RIT1: variants seen among roughly 807,000 people sequenced by gnomAD.
RIT1 encodes the protein Ras like without CAAX 1.
In RIT1, 6 loss-of-function variants were observed where a neutral mutation model predicts 25.6. The ratio of observed to expected loss-of-function variants is 0.23; its 90% CI spans 0.13 to 0.46. The LOEUF (loss-of-function observed/expected upper bound fraction) is 0.46. Ranked by LOEUF, RIT1 falls within the 20% of genes least tolerant of loss-of-function variation. RIT1 has a pLI of 0.99. For missense variants in RIT1, 219 were observed against 284.4 expected (o/e 0.77, Z 1.65); for synonymous variants, 81 against 94.1 (o/e 0.86, Z 0.80).
chr1:155,908,653 C>A (rs1457099856), intron 3 of RIT1, among the ~76,000 whole-genome samples: 1 of 150,614 alleles, frequency 6.6e-6, no homozygotes, highest in Admixed American at 6.6e-5. Context: ...ACCTCCGCCT[C>A]CCAGGTTCAA....
chr1:155,904,692 T>A, intron 4 of RIT1, 39 bp downstream of exon 4: 1 of 1,483,226 alleles, frequency 6.7e-7, no homozygotes, highest in Non-Finnish European at 9.4e-7. Context: ...TTTGCTAGAG[T>A]AAAAAAGCCT....
intron 3 of RIT1, among the ~76,000 whole-genome samples, chr1:155,905,905 A>G (rs897808549): frequency 6.6e-6 from 1 of 151,148 alleles, no homozygotes; most frequent in African/African-American, 2.4e-5. Context: ...TCGGCTCACC[A>G]CAACTTCTGC....
At chr1:155,908,864 G>C (rs1262306187) in intron 3 of RIT1, among the ~76,000 whole-genome samples, 1 of 151,832 alleles carries the variant, frequency 6.6e-6, no homozygotes, top group Non-Finnish European at 1.5e-5. Context: ...CGCCTGGCCT[G>C]AATCTCTGAA....
chr1:155,904,372 C>T lies in RIT1; in HGVS notation c.368G>A (p.Arg123His), dbSNP rs977405637. The T allele has an allele frequency of 2.4e-5, 38 of 1,614,006 alleles. No homozygotes were observed. Among genetic ancestry groups the T allele is most frequent in the Middle Eastern group, 3.3e-4 (2 of 6,062 alleles). Residue 123 changes from arginine to histidine, a missense_variant, in exon 5 of 6, where the codon CGT (arginine) becomes CAT (histidine). Physicochemically the swap from Arg to His is conservative, Grantham distance 29 (BLOSUM62 0). This residue lies in a region of RIT1 where 131 missense variants were observed against 173.6 expected (regional missense o/e 0.75). Transcript: ENST00000368323. ...EFKQLIYRVR[R>H]TDDTPVVLVG... ...AAGAACCACAGGTGTATCGTCAGTA[C>T]GTCGGACTCGATAAATAAGCTGTTT...
Position 155,900,348 on chromosome 1 carries a change from C to T in RIT1, c.*40G>A, listed in dbSNP as rs779433647. 3 of 1,449,124 alleles carry T rather than the reference C, an allele frequency of 2.1e-6. No homozygotes were observed. In the South Asian group the frequency reaches 3.5e-5, roughly 17 times the overall value. The allele number at this position is 1,449,124 out of a possible 1,614,324, so 89.8% of individuals were successfully genotyped here. Reference sequence around the variant, plus strand: ...TGCAGGTTACTGGACTGCTTTGATACAGCACTGCAGTTCACAGATAAACAC... The same window carrying T: ...TGCAGGTTACTGGACTGCTTTGATATAGCACTGCAGTTCACAGATAAACAC... On this transcript the variant is annotated 3_prime_UTR_variant, in exon 6 of 6. Coordinates refer to ENST00000368323, the MANE Select transcript of RIT1 (RefSeq NM_006912.6).
intron 1 of RIT1, 91 bp downstream of exon 1, chr1:155,911,152 T>G: frequency 1.9e-6 from 1 of 531,700 alleles, no homozygotes; most frequent in Non-Finnish European, 3.3e-6. Flanking sequence ...ACGTCTGCGG[T>G]ACCCAGAGGT....
intron 5 of RIT1, among the ~76,000 whole-genome samples, chr1:155,901,379 C>T (rs1251285804): frequency 2.6e-5 from 4 of 151,882 alleles, no homozygotes; most frequent in Non-Finnish European, 4.4e-5. Context: ...CGGTGGCTCA[C>T]GCCTGTAATC....
chr1:155,902,577 C>A (rs901747733), intron 5 of RIT1, among the ~76,000 whole-genome samples: 3 of 151,490 alleles, frequency 2.0e-5, no homozygotes, highest in East Asian at 3.9e-4. Flanking sequence ...TGTGGTGGCT[C>A]ACATCTATAA....
In RIT1 at chr1:155,899,480, T is replaced by C. The variant is rs1176747418; in HGVS notation, c.*908A>G. ...AACATCTTGCCAGCTGTAGCTCTTT[T>C]ACAGAGCACAAAGTGGGAGGAAGCA... On this transcript the variant is annotated 3_prime_UTR_variant, in exon 6 of 6. Transcript: ENST00000368323. 4.5e-6 allele frequency: 1 copy of C among 224,302 alleles called. No homozygotes were observed. Among genetic ancestry groups the C allele is most frequent in the African/African-American group, 2.2e-5 (1 of 44,792 alleles). The allele number at this position is 224,302 out of a possible 1,614,324, so 13.9% of individuals were successfully genotyped here. A position where few individuals can be genotyped will look rare whatever the true frequency, so the allele number is the denominator to read the frequency against.
chr1:155,907,719 A>T (rs1376748632), intron 3 of RIT1, among the ~76,000 whole-genome samples: 2 of 152,238 alleles, frequency 1.3e-5, no homozygotes. Flanking sequence ...CATAATAGAA[A>T]CTCAGAAGAC....
intron 3 of RIT1, among the ~76,000 whole-genome samples, chr1:155,909,574 CA>C (rs1369332611): frequency 6.6e-6 from 1 of 151,948 alleles, no homozygotes; most frequent in African/African-American, 2.4e-5. Context: ...TCAAAGCAAA[CA>C]AAATGACTTT....
rs944052305 is a variant in RIT1 at position 155,902,564 on chromosome 1, G to A, written c.429+1747C>T. On this transcript the variant is annotated intron_variant, in intron 5 of 5. Coordinates refer to ENST00000368323, the MANE Select transcript of RIT1 (RefSeq NM_006912.6). Reference sequence around the variant, plus strand: ...AAACAACACAAAACAAAAAAACGCTGGGTGTGGTGGCTCACATCTATAATC... The same window carrying A: ...AAACAACACAAAACAAAAAAACGCTAGGTGTGGTGGCTCACATCTATAATC... Among the ~76,000 whole-genome samples the A allele has an allele frequency of 5.3e-5, 8 of 151,250 alleles. No homozygotes were observed. In the South Asian group the frequency reaches 1.7e-3, roughly 32 times the overall value.
chr1:155,903,471 A>AAG (rs1473129322), intron 5 of RIT1, among the ~76,000 whole-genome samples: 3 of 151,220 alleles, frequency 2.0e-5, no homozygotes, highest in Non-Finnish European at 4.4e-5. Flanking sequence ...AAAAAAAAAA[A>AAG]AAAGAAAGAA....
chr1:155,903,273 G>A (rs549470674), intron 5 of RIT1, among the ~76,000 whole-genome samples: 165 of 151,366 alleles, frequency 1.1e-3, no homozygotes, highest in Non-Finnish European at 1.6e-3. Flanking sequence ...GCCAGCCTGG[G>A]CGACAGACAA....
intron 4 of RIT1, 52 bp downstream of exon 4, chr1:155,904,679 C>G (rs757870727): frequency 1.4e-6 from 2 of 1,380,598 alleles, no homozygotes; most frequent in Non-Finnish European, 2.1e-6. Context: ...CCTTCCCCTC[C>G]CCTTTGCTAG....
At chr1:155,905,721 T>C (rs1275198103) in intron 3 of RIT1, among the ~76,000 whole-genome samples, 3 of 152,148 alleles carry the variant, frequency 2.0e-5, no homozygotes, top group Non-Finnish European at 4.4e-5. Context: ...AGTTAATTAG[T>C]GACAGAATGA....
At chr1:155,907,586 A>C (rs988834826) in intron 3 of RIT1, among the ~76,000 whole-genome samples, 1 of 152,204 alleles carries the variant, frequency 6.6e-6, no homozygotes, top group Non-Finnish European at 1.5e-5. Flanking sequence ...ACCAGTTACA[A>C]TGTAAAGTTT....
At chr1:155,910,198 T>TA in intron 3 of RIT1, 1 of 481,700 alleles carries the variant, frequency 2.1e-6, no homozygotes. Flanking sequence ...TATACAACCA[T>TA]AAAAAAATAC....
At chr1:155,903,704 T>C (rs1673367316) in intron 5 of RIT1, among the ~76,000 whole-genome samples, 1 of 152,120 alleles carries the variant, frequency 6.6e-6, no homozygotes, top group Admixed American at 6.5e-5. Context: ...CATTATGAAT[T>C]TGACTACTAT....
Sources: gnomAD v4.1 joint callset for allele counts (sites outside exome capture counted in the v4.1 genomes callset) on GRCh38, gnomAD v4.1.1 for gene constraint, gnomAD v4.1.1 regional missense constraint, MANE v1.5 for transcripts, NCBI Gene and HGNC (gene_info 2026-07-23, HGNC 2026-07-21) for gene names.